Variants in DHX36 observed in about 807,000 individuals in gnomAD.
DHX36 encodes ATP-dependent DNA/RNA helicase DHX36.
Under a neutral mutation model 139.0 loss-of-function variants are expected in DHX36, and 50 were observed. The observed-to-expected ratio is 0.36, with a 90% CI of 0.29 to 0.46. The LOEUF (loss-of-function observed/expected upper bound fraction) is 0.46. Ranked by LOEUF, DHX36 falls within the 20% of genes least tolerant of loss-of-function variation. The pLI is 1.00. For missense variants in DHX36, 1,024 were observed against 1,211.3 expected (o/e 0.85, Z 2.29); for synonymous variants, 425 against 401.9 (o/e 1.06, Z -0.69).
chr3:154,292,241 A>C (rs781322170), intron 15 of DHX36, among the ~76,000 whole-genome samples: 1 of 152,232 alleles, frequency 6.6e-6, no homozygotes, highest in Non-Finnish European at 1.5e-5. Context: ...ACACTCAAAA[A>C]GTATTAGTTG....
intron 2 of DHX36, 66 bp downstream of exon 2, chr3:154,315,973 G>A: frequency 6.7e-7 from 1 of 1,484,596 alleles, no homozygotes. Flanking sequence ...AGAAAATAAA[G>A]ATGTTATTTT....
chr3:154,323,885 T>A (rs983032153), intron 1 of DHX36, among the ~76,000 whole-genome samples: 3 of 152,224 alleles, frequency 2.0e-5, no homozygotes, highest in Non-Finnish European at 2.9e-5. Flanking sequence ...ATAAAGTTAA[T>A]TTCGGTTGGA....
intron 2 of DHX36, 100 bp downstream of exon 2, chr3:154,315,939 T>C: frequency 7.2e-7 from 1 of 1,383,482 alleles, no homozygotes; most frequent in Admixed American, 2.7e-5. Flanking sequence ...AAAAAGTACG[T>C]AAAGGTTAAA....
intron 22 of DHX36, chr3:154,279,224 A>G (rs1189032843): frequency 1.3e-5 from 2 of 152,166 alleles, no homozygotes; most frequent in Non-Finnish European, 2.9e-5. Context: ...CAACTCTGCT[A>G]GTGTAGAAGG....
intron 22 of DHX36, 41 bp from the exon 23 acceptor site, chr3:154,277,759 T>A (rs768478163): frequency 6.6e-7 from 1 of 1,515,168 alleles, no homozygotes; most frequent in Non-Finnish European, 8.9e-7. Context: ...AAAAGAAGTC[T>A]TCTAGAGGAT....
chr3:154,283,415 T>C (rs1373936525), intron 19 of DHX36, 144 bp from the exon 20 acceptor site: 3 of 615,880 alleles, frequency 4.9e-6, no homozygotes, highest in African/African-American at 1.8e-5. Context: ...TTATAACTGA[T>C]AAAACTAAAA....
intron 5 of DHX36, among the ~76,000 whole-genome samples, chr3:154,307,436 C>T (rs1712545990): frequency 6.6e-6 from 1 of 151,952 alleles, no homozygotes; most frequent in African/African-American, 2.4e-5. Context: ...ACAAATCATC[C>T]CCTTAAAAGG....
At chr3:154,322,523 T>G (rs1576887030) in intron 1 of DHX36, among the ~76,000 whole-genome samples, 1 of 152,282 alleles carries the variant, frequency 6.6e-6, no homozygotes, top group East Asian at 1.9e-4. Context: ...AGGCAGAGAT[T>G]TGCTGAAATG....
chr3:154,288,147 C>CAA (rs34632439), intron 17 of DHX36, among the ~76,000 whole-genome samples: 1,378 of 50,904 alleles, frequency 0.027, 32 homozygotes, highest in African/African-American at 0.074. Context: ...GACTCTGTCT[C>CAA]AAAAAAAAAA....
At chr3:154,301,662 T>C (rs1360480641) in intron 9 of DHX36, among the ~76,000 whole-genome samples, 2 of 152,112 alleles carry the variant, frequency 1.3e-5, no homozygotes, top group African/African-American at 2.4e-5. Context: ...AGTCACACAG[T>C]TGTAGTTAAT....
chr3:154,288,360 A>G (rs1711633687), intron 17 of DHX36, among the ~76,000 whole-genome samples: 1 of 146,660 alleles, frequency 6.8e-6, no homozygotes, highest in Non-Finnish European at 1.5e-5. Flanking sequence ...AAAAACCATC[A>G]AAAAAAAAAA....
intron 17 of DHX36, among the ~76,000 whole-genome samples, chr3:154,287,097 C>G (rs1369273112): frequency 6.6e-6 from 1 of 152,154 alleles, no homozygotes; most frequent in Non-Finnish European, 1.5e-5. Context: ...AACAGACACA[C>G]AAATCCACAG....
Position 154,300,691 on chromosome 3 carries a change from G to T in DHX36, c.1364C>A (p.Ser455Tyr). The change falls in exon 11 of 25, where the codon TCT becomes TAT. Residue 455 changes from serine (S) to tyrosine (Y), a missense_variant. This residue lies in a region of DHX36 where 115 missense variants were observed against 105.6 expected (regional missense o/e 1.09). Transcript: ENST00000496811. Reference sequence around the variant, plus strand: ...TTCTATAACATCTACAGTACTTGCAGAATACCTATCAAAGTTAAACACAAA... The same window carrying T: ...TTCTATAACATCTACAGTACTTGCATAATACCTATCAAAGTTAAACACAAA... The part of the protein sequence containing the change: ...DYVRELRRRY[S>Y]ASTVDVIEMM... 6.2e-7 allele frequency: 1 copy of T among 1,606,368 alleles called. No homozygotes were observed. The highest frequency in any genetic ancestry group is 2.2e-5 in the East Asian group (1 of 44,766).
Position 154,276,802 on chromosome 3 carries a change from G to A in DHX36, c.2786C>T (p.Ala929Val), listed in dbSNP as rs1279376763. ...CTGAAATACAATCCACTCATCTACA[G>A]CAATAGTTTCCTGATCGTTATCCTT... Reference protein sequence around the residue: ...IQKDNDQETIAVDEWIVFQSP... With the variant: ...IQKDNDQETIVVDEWIVFQSP... Residue 929 changes from alanine (A) to valine (V), a missense_variant, in exon 24 of 25, where the codon GCT becomes GTT. By Grantham distance (64) the Ala-to-Val change is moderately conservative. Coordinates refer to ENST00000496811, the MANE Select transcript of DHX36 (RefSeq NM_020865.3). The A allele has an allele frequency of 6.2e-7, 1 of 1,613,882 alleles. No homozygotes were observed. Among genetic ancestry groups the A allele is most frequent in the Admixed American group, 1.7e-5 (1 of 59,988 alleles).
At chr3:154,319,511 T>C (rs1485007775) in intron 1 of DHX36, among the ~76,000 whole-genome samples, 3 of 152,180 alleles carry the variant, frequency 2.0e-5, no homozygotes, top group Non-Finnish European at 2.9e-5. Context: ...TATCAGAATT[T>C]ATCCTTTTCT....
At chr3:154,316,600 C>A (rs1054712648) in intron 1 of DHX36, among the ~76,000 whole-genome samples, 7 of 151,900 alleles carry the variant, frequency 4.6e-5, no homozygotes, top group Non-Finnish European at 8.8e-5. Context: ...TTACACTAAA[C>A]AGAAGAATAA....
intron 5 of DHX36, among the ~76,000 whole-genome samples, chr3:154,308,802 T>A (rs932632717): frequency 6.6e-6 from 1 of 152,162 alleles, no homozygotes; most frequent in African/African-American, 2.4e-5. Context: ...GTTACTTAAG[T>A]ATGCCTTCCC....
At chr3:154,276,936 A>T (rs752048217) in intron 23 of DHX36, 37 bp from the exon 24 acceptor site, 18 of 1,556,646 alleles carry the variant, frequency 1.2e-5, no homozygotes, top group Non-Finnish European at 1.6e-5. Context: ...TACATTCAGG[A>T]GTCTGAAAAG....
At position 154,273,365 on chromosome 3, in the gene DHX36, A is replaced by G. The variant is rs1194931074; in HGVS notation, c.*2806T>C. ...TGCCTCATCAATTAAATAATTCCTC[A>G]GGAACATTTTCCCCATTCATATGGG... On this transcript the variant is annotated 3_prime_UTR_variant, in exon 25 of 25. Transcript: ENST00000496811. 6.6e-6 allele frequency: 1 copy of G among 152,226 alleles called. No individual in the cohort carries two copies. The highest frequency in any genetic ancestry group is 1.5e-5 in the Non-Finnish European group (1 of 68,044). The allele number at this position is 152,226 out of a possible 1,614,324, so 9.4% of individuals were successfully genotyped here.
Sources: allele counts gnomAD v4.1 joint callset (sites outside exome capture counted in the v4.1 genomes callset), GRCh38; gene constraint gnomAD v4.1.1; regional missense constraint gnomAD v4.1.1; transcripts MANE v1.5; gene names NCBI Gene and HGNC (gene_info 2026-07-23, HGNC 2026-07-21).